Variants in TMEM156 observed in about 807,000 individuals in gnomAD.
The protein encoded by TMEM156 is transmembrane protein 156.
TMEM156 carries 28 observed loss-of-function variants against 30.5 expected under a neutral mutation model. The ratio of observed to expected loss-of-function variants is 0.92; its 90% CI spans 0.68 to 1.26. The LOEUF is 1.26. TMEM156 is among the 50% of genes most tolerant of loss of function. The pLI is 0.00. For synonymous variants in TMEM156, 137 were observed against 119.9 expected (o/e 1.14, Z -0.93); for missense variants, 351 against 340.6 (o/e 1.03, Z -0.24).
intron 5 of TMEM156, among the ~76,000 whole-genome samples, chr4:38,981,230 T>C (rs186968190): frequency 6.6e-6 from 1 of 152,348 alleles, no homozygotes; most frequent in East Asian, 1.9e-4. Context: ...ATAGCGGCCA[T>C]AAACATGTTC....
intron 1 of TMEM156, among the ~76,000 whole-genome samples, chr4:39,020,828 G>A (rs1032206239): frequency 8.5e-5 from 13 of 152,118 alleles, no homozygotes; most frequent in Non-Finnish European, 1.8e-4. Context: ...GATTTCAGGT[G>A]TGAGCCACCG....
At chr4:38,982,994 C>A (rs1230677042) in intron 5 of TMEM156, among the ~76,000 whole-genome samples, 2 of 152,174 alleles carry the variant, frequency 1.3e-5, no homozygotes, top group Admixed American at 1.3e-4. Flanking sequence ...TGGAGTACCA[C>A]TGTATGGCCT....
intron 1 of TMEM156, 48 bp downstream of exon 1, chr4:39,032,178 A>T (rs1560391714): frequency 1.6e-6 from 2 of 1,258,922 alleles, no homozygotes; most frequent in Admixed American, 3.9e-5. Context: ...GCTGACACTA[A>T]TTTTTTTAAA....
At chr4:39,031,559 A>G (rs140656647) in intron 1 of TMEM156, among the ~76,000 whole-genome samples, 5 of 152,294 alleles carry the variant, frequency 3.3e-5, no homozygotes, top group African/African-American at 1.2e-4. Flanking sequence ...CACTTTCTTC[A>G]TTAAAGAATT....
chr4:39,008,269 A>G (rs1446114647), intron 1 of TMEM156, among the ~76,000 whole-genome samples: 2 of 152,108 alleles, frequency 1.3e-5, no homozygotes, highest in Non-Finnish European at 2.9e-5. Context: ...GATGCCCTTT[A>G]GCAATTTAAG....
rs763535997 is a variant in TMEM156, at chr4:38,993,939, G to A, written c.418C>T (p.His140Tyr). 3.7e-6 allele frequency: 6 copies of A among 1,613,922 alleles called. No homozygotes were observed. Among genetic ancestry groups the A allele is most frequent in the Non-Finnish European group, 4.2e-6 (5 of 1,179,954 alleles). ...AGAGGAGCTACACTGAAGTTAAAGTGCTGACAAGGTGAATGAAAATCATTT... is the reference window on the plus strand; with the variant it reads ...AGAGGAGCTACACTGAAGTTAAAGTACTGACAAGGTGAATGAAAATCATTT... ...KANDFHSPCQ[H>Y]FNFSVAPLVD... Residue 140 changes from histidine (H) to tyrosine (Y), a missense_variant, in exon 3 of 7, where the codon CAC becomes TAC. By Grantham distance (83) the His-to-Tyr change is moderately conservative. Transcript: ENST00000381938.
chr4:39,023,741 C>G (rs1341259311), intron 1 of TMEM156, among the ~76,000 whole-genome samples: 1 of 152,150 alleles, frequency 6.6e-6, no homozygotes, highest in Non-Finnish European at 1.5e-5. Context: ...GTAGTCCCAG[C>G]TACGCAGGAG....
chr4:39,019,203 T>G (rs4301126), intron 1 of TMEM156, among the ~76,000 whole-genome samples: 76 of 152,284 alleles, frequency 5.0e-4, no homozygotes, highest in African/African-American at 1.7e-3. Context: ...ATTCTATTTC[T>G]TCTATCCTTT....
intron 6 of TMEM156, among the ~76,000 whole-genome samples, chr4:38,969,765 G>A (rs1385412161): frequency 6.6e-6 from 1 of 151,966 alleles, no homozygotes; most frequent in Non-Finnish European, 1.5e-5. Flanking sequence ...GCTAATTTTT[G>A]TATTTTTTGT....
intron 1 of TMEM156, among the ~76,000 whole-genome samples, chr4:39,025,908 T>A (rs1020661173): frequency 6.6e-6 from 1 of 152,254 alleles, no homozygotes; most frequent in African/African-American, 2.4e-5. Context: ...CACAAGATGT[T>A]TGTGAACGTC....
intron 1 of TMEM156, among the ~76,000 whole-genome samples, chr4:39,000,872 G>A (rs1285695809): frequency 1.3e-5 from 2 of 151,974 alleles, no homozygotes; most frequent in African/African-American, 4.8e-5. Flanking sequence ...GGGCAACAGA[G>A]TGAGACTCCA....
At chr4:39,032,108 A>T (rs545012553) in intron 1 of TMEM156, 118 bp downstream of exon 1, 118 of 644,128 alleles carry the variant, frequency 1.8e-4, no homozygotes, top group African/African-American at 1.8e-3. Context: ...AGTTTTTCAG[A>T]TCTAGAACTT....
At chr4:38,989,289 C>A (rs1325023378) in intron 3 of TMEM156, among the ~76,000 whole-genome samples, 1 of 152,202 alleles carries the variant, frequency 6.6e-6, no homozygotes, top group Non-Finnish European at 1.5e-5. Flanking sequence ...CACAACATAG[C>A]AATCCCAGAA....
chr4:38,990,830 GTTTTTTTTTTT>G (rs71304784), intron 3 of TMEM156, among the ~76,000 whole-genome samples: 1 of 81,216 alleles, frequency 1.2e-5, no homozygotes, highest in Non-Finnish European at 2.4e-5. Context: ...TTGTTTTCTG[GTTTTTTTTTTT>G]TTTTTTTTTT....
intron 5 of TMEM156, 120 bp from the exon 6 acceptor site, chr4:38,971,257 G>C: frequency 1.1e-6 from 1 of 877,336 alleles, no homozygotes; most frequent in Non-Finnish European, 1.8e-6. Flanking sequence ...AGGATTTTGG[G>C]ACTTTCTACC....
At chr4:39,029,208 AG>A (rs892303787) in intron 1 of TMEM156, among the ~76,000 whole-genome samples, 3 of 152,146 alleles carry the variant, frequency 2.0e-5, no homozygotes, top group Non-Finnish European at 2.9e-5. Flanking sequence ...ACAGGGTATC[AG>A]TGAATAATTT....
At chr4:38,988,344 C>A (rs531759286) in intron 4 of TMEM156, among the ~76,000 whole-genome samples, 1 of 152,338 alleles carries the variant, frequency 6.6e-6, no homozygotes, top group African/African-American at 2.4e-5. Flanking sequence ...GTGCCTCAGC[C>A]TCCCAAGTAG....
At chr4:38,985,552 C>G (rs1479420827) in intron 5 of TMEM156, among the ~76,000 whole-genome samples, 3 of 152,178 alleles carry the variant, frequency 2.0e-5, no homozygotes. Context: ...TCGGCATCCT[C>G]CCATTTTTGA....
At chr4:39,012,365 A>C (rs573658024) in intron 1 of TMEM156, among the ~76,000 whole-genome samples, 1 of 152,324 alleles carries the variant, frequency 6.6e-6, no homozygotes, top group South Asian at 2.1e-4. Flanking sequence ...CAAAATATCA[A>C]TAGCACTAAG....
Sources: gnomAD v4.1 joint callset for allele counts (sites outside exome capture counted in the v4.1 genomes callset) on GRCh38, gnomAD v4.1.1 for gene constraint, MANE v1.5 for transcripts, NCBI Gene and HGNC (gene_info 2026-07-23, HGNC 2026-07-21) for gene names.